The following NFU1 variants were observed in gnomAD, a reference collection of about 807,000 sequenced individuals.
NFU1 encodes the protein NFU1 iron-sulfur cluster scaffold homolog, mitochondrial.
A neutral mutation model predicts 32.2 loss-of-function variants in NFU1; 30 were observed. The ratio of observed to expected loss-of-function variants is 0.93; its 90% CI spans 0.70 to 1.26. The LOEUF (loss-of-function observed/expected upper bound fraction) is 1.26. Ranked by LOEUF, NFU1 falls within the 50% of genes most tolerant of loss-of-function variation. The pLI, the probability that NFU1 is intolerant of heterozygous loss-of-function variation, is 0.00. For synonymous variants in NFU1, 112 were observed against 104.6 expected (o/e 1.07, Z -0.43); for missense variants, 306 against 306.6 (o/e 1.00, Z 0.02).
intron 1 of NFU1, 179 bp downstream of exon 1, chr2:69,437,182 C>A: frequency 1.5e-6 from 2 of 1,366,434 alleles, no homozygotes; most frequent in Non-Finnish European, 1.9e-6. Context: ...GCCACAGAAG[C>A]GCCGAGCTCC....
intron 7 of NFU1, among the ~76,000 whole-genome samples, chr2:69,398,767 G>A (rs764565504): frequency 3.3e-5 from 5 of 152,098 alleles, no homozygotes; most frequent in Non-Finnish European, 5.9e-5. Flanking sequence ...GTTTCTTTCT[G>A]ACCAACTGGA....
intron 2 of NFU1, among the ~76,000 whole-genome samples, chr2:69,430,421 T>C (rs1436084373): frequency 1.3e-5 from 2 of 152,074 alleles, no homozygotes; most frequent in Non-Finnish European, 2.9e-5. Context: ...ACCATGTTGC[T>C]GAGGCTGGTC....
At chr2:69,439,299 A>G (rs1673981262), upstream of NFU1, among the ~76,000 whole-genome samples, 1 of 152,130 alleles carries the variant, frequency 6.6e-6, no homozygotes, top group Non-Finnish European at 1.5e-5. Context: ...TCAAGAATGA[A>G]GCCATGGACC....
chr2:69,422,140 C>T (rs568701480), intron 3 of NFU1, among the ~76,000 whole-genome samples: 6 of 151,904 alleles, frequency 3.9e-5, no homozygotes, highest in East Asian at 1.9e-4. Flanking sequence ...AATGATGCAG[C>T]GAGGGTGGTG....
upstream of NFU1, among the ~76,000 whole-genome samples, chr2:69,438,084 G>A (rs13418928): frequency 0.39 from 59,865 of 151,816 alleles, 12,182 homozygotes; most frequent in Middle Eastern, 0.44. Flanking sequence ...GGAGTATTCC[G>A]TTTTCTCTAG....
chr2:69,396,761 G>A (rs1672350780), intron 7 of NFU1, among the ~76,000 whole-genome samples: 1 of 152,074 alleles, frequency 6.6e-6, no homozygotes, highest in South Asian at 2.1e-4. Flanking sequence ...AGTCTCAGCT[G>A]GGCAGAAAAG....
At chr2:69,423,380 A>G (rs547869492) in intron 3 of NFU1, among the ~76,000 whole-genome samples, 5 of 151,604 alleles carry the variant, frequency 3.3e-5, no homozygotes, top group South Asian at 2.1e-4. Flanking sequence ...TCAGCCTTCC[A>G]AAGTGTTAGG....
upstream of NFU1, among the ~76,000 whole-genome samples, chr2:69,439,500 C>G (rs1023687209): frequency 2.6e-5 from 4 of 152,164 alleles, no homozygotes; most frequent in Admixed American, 6.5e-5. Flanking sequence ...TGAGCCACAT[C>G]AAGATTTACT....
chr2:69,423,315 T>C (rs911145010), intron 3 of NFU1, among the ~76,000 whole-genome samples: 2 of 150,018 alleles, frequency 1.3e-5, no homozygotes, highest in Middle Eastern at 3.4e-3. Context: ...AGATGGAGTC[T>C]CTCTATGTTG....
upstream of NFU1, among the ~76,000 whole-genome samples, chr2:69,437,990 T>C (rs1673916579): frequency 6.6e-6 from 1 of 152,256 alleles, no homozygotes; most frequent in African/African-American, 2.4e-5. Flanking sequence ...GGTACAGTGC[T>C]GCCCTTCTCC....
At chr2:69,421,437 C>G (rs1673236365) in intron 3 of NFU1, among the ~76,000 whole-genome samples, 2 of 152,022 alleles carry the variant, frequency 1.3e-5, no homozygotes, top group South Asian at 4.1e-4. Flanking sequence ...CCCTGGCAAT[C>G]AGATTGAGGC....
Position 69,432,024 on chromosome 2 carries a change from A to G in NFU1, c.63-19T>C, listed in dbSNP as rs1673656594. 1 of 1,494,236 alleles carries G rather than the reference A, an allele frequency of 6.7e-7. No individual in the cohort carries two copies. Among genetic ancestry groups the G allele is most frequent in the Non-Finnish European group, 9.3e-7 (1 of 1,070,606 alleles). 92.6% of individuals were successfully genotyped at this position (1,494,236 alleles called of 1,614,324 possible). On this transcript the variant is annotated intron_variant, in intron 1 of 7. Coordinates refer to ENST00000410022, the MANE Select transcript of NFU1 (RefSeq NM_001002755.4). The stretch of plus-strand genomic sequence containing the variant: ...ACAGAACCTGCATTTAAAAGCACAT[A>G]ATGAATGACATTTTAAGAGCTCTAA...
At chr2:69,436,177 C>T (rs759714151) in intron 1 of NFU1, among the ~76,000 whole-genome samples, 1 of 152,158 alleles carries the variant, frequency 6.6e-6, no homozygotes, top group Non-Finnish European at 1.5e-5. Context: ...ACAATGGCCT[C>T]AGTTCTTCAT....
chr2:69,436,280 G>C (rs1044714219), intron 1 of NFU1, among the ~76,000 whole-genome samples: 2 of 152,128 alleles, frequency 1.3e-5, no homozygotes, highest in African/African-American at 4.8e-5. Flanking sequence ...TGCAGTAAGT[G>C]CTCAATAAAT....
chr2:69,423,746 T>C, intron 2 of NFU1, 29 bp from the exon 3 acceptor site: 1 of 1,527,876 alleles, frequency 6.5e-7, no homozygotes, highest in Non-Finnish European at 9.0e-7. Flanking sequence ...AAAATGTTAT[T>C]CTAGAAAAAA....
chr2:69,433,785 T>C (rs1673732471), intron 1 of NFU1, among the ~76,000 whole-genome samples: 1 of 152,012 alleles, frequency 6.6e-6, no homozygotes, highest in Non-Finnish European at 1.5e-5. Flanking sequence ...TTTTCGTGTT[T>C]TGTTTTGAGA....
chr2:69,437,487 G>A (rs1673892626), upstream of NFU1: 3 of 1,568,732 alleles, frequency 1.9e-6, no homozygotes, highest in Admixed American at 1.8e-5. Context: ...GCCGCAGGCT[G>A]GCCGGTAGCT....
At chr2:69,403,364 C>T (rs1672587451) in intron 6 of NFU1, among the ~76,000 whole-genome samples, 7 of 151,674 alleles carry the variant, frequency 4.6e-5, no homozygotes. Flanking sequence ...ATTTTTTATT[C>T]TATTTCTCCC....
intron 5 of NFU1, among the ~76,000 whole-genome samples, chr2:69,406,797 T>C (rs980614037): frequency 6.6e-6 from 1 of 152,102 alleles, no homozygotes; most frequent in East Asian, 1.9e-4. Flanking sequence ...TTTGGCTGTG[T>C]CCCCAACCAA....
Sources: gnomAD v4.1 joint callset for allele counts (sites outside exome capture counted in the v4.1 genomes callset) on GRCh38, gnomAD v4.1.1 for gene constraint, MANE v1.5 for transcripts, NCBI Gene and HGNC (gene_info 2026-07-23, HGNC 2026-07-21) for gene names.